Variants in OR9Q1 observed in about 807,000 individuals in gnomAD.
OR9Q1 encodes the protein olfactory receptor 9Q1.
For missense variants in OR9Q1, 374 were observed against 378.8 expected, an observed-to-expected ratio of 0.99 and a Z score of 0.11; for synonymous variants, 153 against 148.6, an observed-to-expected ratio of 1.03 and a Z score of -0.22.
At chr11:58,104,504 CATA>C (rs1385597260) in intron 2 of OR9Q1, among the ~76,000 whole-genome samples, 2 of 151,852 alleles carry the variant, frequency 1.3e-5, no homozygotes, top group Non-Finnish European at 2.9e-5. Flanking sequence ...ACAGGCAAAA[CATA>C]ATAATTTCCC....
At chr11:58,140,690 C>G (rs1175265688) in intron 2 of OR9Q1, among the ~76,000 whole-genome samples, 1 of 152,148 alleles carries the variant, frequency 6.6e-6, no homozygotes, top group Non-Finnish European at 1.5e-5. Context: ...GTTACTGTAG[C>G]CTTGTGGTAT....
At chr11:58,133,511 C>T (rs1447166) in intron 2 of OR9Q1, among the ~76,000 whole-genome samples, 76,738 of 152,058 alleles carry the variant, frequency 0.5, 20,001 homozygotes, top group East Asian at 0.81. Context: ...TTAATACTTT[C>T]GCTTCTCCCT....
chr11:58,119,484 A>G (rs1268235243), intron 2 of OR9Q1: 1 of 1,276,878 alleles, frequency 7.8e-7, no homozygotes, highest in Non-Finnish European at 1.1e-6. Flanking sequence ...TGATAATGAA[A>G]TAAAAAGAAT....
intron 2 of OR9Q1, chr11:58,073,295 G>A (rs762387583): frequency 7.0e-5 from 13 of 185,940 alleles, no homozygotes; most frequent in South Asian, 4.1e-4. Flanking sequence ...AATATTATGC[G>A]AATTCTTAGG....
rs545092336 is a variant in OR9Q1 at position 58,103,495 on chromosome 11, T to C, written c.-15+47548T>C. On this transcript the variant is annotated intron_variant, in intron 2 of 2. Coordinates refer to ENST00000335397, the MANE Select transcript of OR9Q1 (RefSeq NM_001005212.4). ...TTTTTCACTCAGATCATGAATTATT[T>C]TCCTGATTTTGTTGAATTATATATT... is the stretch of plus-strand genomic sequence containing the variant. Among the ~76,000 whole-genome samples, 5 of 152,310 alleles carry C rather than the reference T, an allele frequency of 3.3e-5. No homozygotes were observed. In the South Asian group the frequency reaches 8.3e-4, roughly 25 times the overall value.
chr11:58,162,154 C>T (rs1055222977), intron 2 of OR9Q1, among the ~76,000 whole-genome samples: 1 of 147,128 alleles, frequency 6.8e-6, no homozygotes, highest in Non-Finnish European at 1.5e-5. Context: ...GTTACACTCA[C>T]CTTCTTTGTA....
chr11:58,039,712 T>C lies in OR9Q1; in HGVS notation c.-93+15608T>C, dbSNP rs549097045. Among the ~76,000 whole-genome samples the C allele has an allele frequency of 2.8e-3, 428 of 152,304 alleles. 5 individuals carry two copies. Among genetic ancestry groups the C allele is most frequent in the African/African-American group, 9.9e-3 (410 of 41,572 alleles). On this transcript the variant is annotated intron_variant, in intron 1 of 2. Coordinates refer to ENST00000335397, the MANE Select transcript of OR9Q1 (RefSeq NM_001005212.4). ...TTATAAAACAGTTTCACAATAGATA[T>C]GTTTAGTCCACTCCACTCAGGTTAG...
At chr11:58,080,014 T>C (rs1853573969) in intron 2 of OR9Q1, among the ~76,000 whole-genome samples, 1 of 152,160 alleles carries the variant, frequency 6.6e-6, no homozygotes, top group African/African-American at 2.4e-5. Flanking sequence ...AAAAACGATT[T>C]TCTTTTTCTA....
intron 2 of OR9Q1, among the ~76,000 whole-genome samples, chr11:58,068,706 G>C (rs1198997145): frequency 9.2e-5 from 14 of 152,154 alleles, no homozygotes; most frequent in Admixed American, 9.2e-4. Flanking sequence ...ATTTTCAAGT[G>C]CTGTGAATAA....
chr11:58,139,634 T>C (rs1481572142), intron 2 of OR9Q1, among the ~76,000 whole-genome samples: 2 of 152,154 alleles, frequency 1.3e-5, no homozygotes, highest in Non-Finnish European at 2.9e-5. Context: ...TATGGCTGCA[T>C]AGTATTCCAT....
Position 58,180,166 on chromosome 11 carries a change from C to A in OR9Q1, c.722C>A (p.Thr241Asn), listed in dbSNP as rs1388671807. 6.2e-7 allele frequency: 1 copy of A among 1,613,874 alleles called. No homozygotes were observed. The highest frequency in any genetic ancestry group is 1.3e-5 in the African/African-American group (1 of 74,912). ...GSQAKTFSTCTSHLTAVSLFF... is the reference protein window; with the variant it reads ...GSQAKTFSTCNSHLTAVSLFF... ...CAGGCCAAGACCTTCTCCACCTGCA[C>A]CTCCCACCTCACTGCTGTGTCACTC... The change falls in exon 3 of 3, where the codon ACC (threonine) becomes AAC (asparagine). Residue 241 changes from threonine (T) to asparagine (N), a missense_variant. Transcript: ENST00000335397.
Position 58,064,431 on chromosome 11 carries a change from C to T in OR9Q1, c.-15+8484C>T, listed in dbSNP as rs183489289. ...AGCCAGAGTATTTAAGTGGTTTTCT[C>T]TTTCCAGGCATGTCTCTCACCTGAG... On this transcript the variant is annotated intron_variant, in intron 2 of 2. Coordinates refer to ENST00000335397, the MANE Select transcript of OR9Q1 (RefSeq NM_001005212.4). 4.3e-3 allele frequency among the ~76,000 whole-genome samples: 649 copies of T among 152,294 alleles called. 2 individuals carry two copies. Among genetic ancestry groups the T allele is most frequent in the Non-Finnish European group, 5.5e-3 (376 of 68,014 alleles).
chr11:58,040,204 G>A (rs560800154), intron 1 of OR9Q1, among the ~76,000 whole-genome samples: 1 of 152,312 alleles, frequency 6.6e-6, no homozygotes, highest in African/African-American at 2.4e-5. Flanking sequence ...TCCCTTATCT[G>A]TAAAAGGACA....
At chr11:58,056,170 C>G (rs1590561533) in intron 2 of OR9Q1, among the ~76,000 whole-genome samples, 2 of 152,166 alleles carry the variant, frequency 1.3e-5, no homozygotes, top group East Asian at 3.8e-4. Flanking sequence ...GCTGATTTCC[C>G]TGGTGTAAAT....
chr11:58,151,751 T>C (rs577206370), intron 2 of OR9Q1, among the ~76,000 whole-genome samples: 3 of 151,650 alleles, frequency 2.0e-5, no homozygotes, highest in Non-Finnish European at 2.9e-5. Context: ...TAGGAATTTA[T>C]GTCTTAGTTT....
intron 2 of OR9Q1, among the ~76,000 whole-genome samples, chr11:58,149,322 G>A (rs959725267): frequency 6.6e-6 from 1 of 152,132 alleles, no homozygotes; most frequent in Non-Finnish European, 1.5e-5. Flanking sequence ...AACTCTGTGT[G>A]GGTAGGGACT....
chr11:58,108,413 C>G (rs1306383869), intron 2 of OR9Q1, among the ~76,000 whole-genome samples: 1 of 152,078 alleles, frequency 6.6e-6, no homozygotes, highest in Non-Finnish European at 1.5e-5. Context: ...ATATGGTAAT[C>G]AGTTCGCTTA....
At chr11:58,171,617 T>A (rs764470674) in intron 2 of OR9Q1, 26 of 152,322 alleles carry the variant, frequency 1.7e-4, no homozygotes, top group Non-Finnish European at 3.4e-4. Flanking sequence ...CGTGACCATG[T>A]TTTAGACTGT....
At chr11:58,138,200 A>G (rs1436401207) in intron 2 of OR9Q1, among the ~76,000 whole-genome samples, 1 of 152,172 alleles carries the variant, frequency 6.6e-6, no homozygotes, top group Non-Finnish European at 1.5e-5. Flanking sequence ...CAGAGACCTA[A>G]AAGTGTCTCT....
Sources: allele counts gnomAD v4.1 joint callset (sites outside exome capture counted in the v4.1 genomes callset), GRCh38; gene constraint gnomAD v4.1.1; transcripts MANE v1.5; gene names NCBI Gene and HGNC (gene_info 2026-07-23, HGNC 2026-07-21).